MAPK10: variants seen among roughly 807,000 people sequenced by gnomAD.
MAPK10 encodes mitogen-activated protein kinase 10.
Under a neutral mutation model 59.3 loss-of-function variants are expected in MAPK10, and 25 were observed. The ratio of observed to expected loss-of-function variants is 0.42; its 90% CI spans 0.31 to 0.59. The LOEUF is 0.59. MAPK10 is among the 20% of genes least tolerant of loss of function. The pLI is 0.15. For synonymous variants in MAPK10, 190 were observed against 200.5 expected, an observed-to-expected ratio of 0.95 and a Z score of 0.44; for missense variants, 351 against 568.9, an observed-to-expected ratio of 0.62 and a Z score of 3.90.
intron 1 of MAPK10, among the ~76,000 whole-genome samples, chr4:86,458,268 C>A (rs544141376): frequency 6.6e-6 from 1 of 151,870 alleles, no homozygotes; most frequent in South Asian, 2.1e-4. Context: ...CCACTGCACT[C>A]CAGCCTGGGT....
intron 1 of MAPK10, among the ~76,000 whole-genome samples, chr4:86,465,650 A>G (rs1752134011): frequency 6.6e-6 from 1 of 152,232 alleles, no homozygotes; most frequent in Non-Finnish European, 1.5e-5. Context: ...TAGGTAAAAT[A>G]ATAACTTGGG....
At chr4:86,549,011 CTG>C (rs767674200) in intron 1 of MAPK10, among the ~76,000 whole-genome samples, 4 of 151,998 alleles carry the variant, frequency 2.6e-5, no homozygotes, top group Non-Finnish European at 4.4e-5. Flanking sequence ...TGATAATTCA[CTG>C]TTTATTTCAT....
rs138479112 is a variant in MAPK10, at chr4:86,418,229, A to C, written c.-122+34801T>G. Among the ~76,000 whole-genome samples the C allele has an allele frequency of 1.0e-2, 1,520 of 152,320 alleles. 6 individuals are homozygous for C. Among genetic ancestry groups the C allele is most frequent in the Non-Finnish European group, 0.015 (1,003 of 68,032 alleles). On this transcript the variant is annotated intron_variant, in intron 1 of 13. Transcript: ENST00000361569. ...AACAGCATATTGAGAGCATGTACCTAAGAAAAAACAAATGAGGTTTTTTTT... is the reference window on the plus strand; with the variant it reads ...AACAGCATATTGAGAGCATGTACCTCAGAAAAAACAAATGAGGTTTTTTTT...
At chr4:86,391,537 T>C (rs1257461050) in intron 1 of MAPK10, among the ~76,000 whole-genome samples, 4 of 152,156 alleles carry the variant, frequency 2.6e-5, no homozygotes, top group Non-Finnish European at 5.9e-5. Flanking sequence ...GGAAAATGAA[T>C]CAGAGACCTG....
chr4:86,181,736 T>A (rs1049837555), intron 3 of MAPK10, among the ~76,000 whole-genome samples: 2 of 152,096 alleles, frequency 1.3e-5, no homozygotes, highest in Non-Finnish European at 2.9e-5. Context: ...GTCCTGACCC[T>A]GAGATAGTAC....
At chr4:86,119,438 A>G (rs2058846323) in intron 4 of MAPK10, 1 of 152,256 alleles carries the variant, frequency 6.6e-6, no homozygotes, top group African/African-American at 2.4e-5. Context: ...TCTACTAAAA[A>G]TACAAAAATT....
chr4:86,397,604 C>T (rs1007631283), intron 1 of MAPK10, among the ~76,000 whole-genome samples: 1 of 152,046 alleles, frequency 6.6e-6, no homozygotes, highest in Non-Finnish European at 1.5e-5. Context: ...TTCCCCTGGG[C>T]TTCCGGGTGT....
Position 86,057,208 on chromosome 4 carries a change from G to A in MAPK10, c.1110+7058C>T, listed in dbSNP as rs570032303. ...TCCACCCGCCTTGGCATCCCAAAGT[G>A]CTGGGATTACAGGTGTGAGCCACTG... is the stretch of plus-strand genomic sequence containing the variant. On this transcript the variant is annotated intron_variant, in intron 11 of 13. Coordinates refer to ENST00000641462, the MANE Select transcript of MAPK10 (RefSeq NM_138982.4). 3.5e-4 allele frequency among the ~76,000 whole-genome samples: 52 copies of A among 149,718 alleles called. 5 individuals are homozygous for A. The highest frequency in any genetic ancestry group is 1.3e-3 in the African/African-American group (51 of 39,920).
intron 1 of MAPK10, among the ~76,000 whole-genome samples, chr4:86,483,521 C>G (rs963522426): frequency 1.3e-5 from 2 of 151,770 alleles, no homozygotes; most frequent in Non-Finnish European, 2.9e-5. Context: ...GCAGAAAGAC[C>G]GCTAAGCCGC....
At chr4:86,022,125 G>C (rs1211786947) in intron 13 of MAPK10, among the ~76,000 whole-genome samples, 1 of 152,216 alleles carries the variant, frequency 6.6e-6, no homozygotes, top group Non-Finnish European at 1.5e-5. Context: ...GGGAGGTGCC[G>C]AGAGCAAGCG....
At chr4:86,086,327 T>C (rs1345994936) in intron 9 of MAPK10, among the ~76,000 whole-genome samples, 1 of 152,138 alleles carries the variant, frequency 6.6e-6, no homozygotes, top group East Asian at 1.9e-4. Flanking sequence ...TAATAAGATC[T>C]AGTATTTGGT....
chr4:86,499,042 T>C lies in MAPK10; in HGVS notation c.-263+94868A>G, dbSNP rs117354974. Among the ~76,000 whole-genome samples, 79 of 152,332 alleles carry C rather than the reference T, an allele frequency of 5.2e-4. 2 individuals carry two copies. The East Asian group carries it at 0.014, about 27-fold the overall frequency. On this transcript the variant is annotated intron_variant, in intron 1 of 4. Transcript: ENST00000502302. ...GCTTTTTAAAAGCCACATCCAATTA[T>C]AGAGAATCATAAGTTAATATTCACA... is the stretch of plus-strand genomic sequence containing the variant.
At chr4:86,413,047 C>T (rs1305747390) in intron 1 of MAPK10, among the ~76,000 whole-genome samples, 1 of 152,188 alleles carries the variant, frequency 6.6e-6, no homozygotes, top group Non-Finnish European at 1.5e-5. Context: ...GTTTTATCTA[C>T]TTTTGGTCTT....
intron 11 of MAPK10, among the ~76,000 whole-genome samples, chr4:86,040,610 C>T (rs542364082): frequency 2.4e-4 from 36 of 152,132 alleles, no homozygotes; most frequent in African/African-American, 8.2e-4. Flanking sequence ...GACATATTCA[C>T]GTAGAGGAAA....
chr4:86,261,899 G>A (rs1160769211), intron 2 of MAPK10, among the ~76,000 whole-genome samples: 1 of 152,238 alleles, frequency 6.6e-6, no homozygotes, highest in Non-Finnish European at 1.5e-5. Context: ...GCACTGCCGT[G>A]AGGGCTAGTT....
chr4:86,107,373 C>T, intron 4 of MAPK10, 21 bp from the exon 5 acceptor site: 2 of 1,596,338 alleles, frequency 1.3e-6, no homozygotes, highest in African/African-American at 1.4e-5. Flanking sequence ...CCAAGAGCAA[C>T]TCAGAATTAA....
intron 11 of MAPK10, among the ~76,000 whole-genome samples, chr4:86,050,868 G>A (rs530410904): frequency 3.3e-5 from 5 of 152,202 alleles, no homozygotes; most frequent in East Asian, 3.9e-4. Flanking sequence ...AGTTCTTTAC[G>A]CTAACTTAGT....
At chr4:86,435,407 T>C (rs1748589443) in intron 1 of MAPK10, among the ~76,000 whole-genome samples, 2 of 151,800 alleles carry the variant, frequency 1.3e-5, no homozygotes, top group Admixed American at 1.3e-4. Flanking sequence ...TGAGACAGTA[T>C]AATTGCTTAA....
At chr4:86,362,449 G>A (rs1405242232), upstream of MAPK10, among the ~76,000 whole-genome samples, 2 of 149,144 alleles carry the variant, frequency 1.3e-5, no homozygotes, top group Non-Finnish European at 3.0e-5. Context: ...AAAATTAAAA[G>A]CTTCCACTTA....
Sources: gnomAD v4.1 joint callset for allele counts (sites outside exome capture counted in the v4.1 genomes callset) on GRCh38, gnomAD v4.1.1 for gene constraint, MANE v1.5 for transcripts, NCBI Gene and HGNC (gene_info 2026-07-23, HGNC 2026-07-21) for gene names.